The following GTF2A1L variants were observed in gnomAD, a reference collection of about 807,000 sequenced individuals.
GTF2A1L encodes the protein general transcription factor IIA subunit 1 like.
Under a neutral mutation model 49.7 loss-of-function variants are expected in GTF2A1L, and 48 were observed. The observed-to-expected ratio is 0.97, with a 90% CI of 0.77 to 1.23. The LOEUF (loss-of-function observed/expected upper bound fraction) is 1.23, where lower values mean the gene tolerates loss of function less well. GTF2A1L is among the 50% of genes most tolerant of loss of function. The pLI is 0.00. For missense variants in GTF2A1L, 736 were observed against 564.8 expected (o/e 1.30, Z -3.07); for synonymous variants, 246 against 193.5 (o/e 1.27, Z -2.25).
intron 3 of GTF2A1L, among the ~76,000 whole-genome samples, chr2:48,624,481 T>C (rs1676194418): frequency 6.9e-6 from 1 of 143,940 alleles, no homozygotes. Flanking sequence ...GATAGATAGA[T>C]AGATAGTGAA....
At chr2:48,621,016 T>A (rs1675966082) in intron 2 of GTF2A1L, 64 bp downstream of exon 2, 4 of 1,545,480 alleles carry the variant, frequency 2.6e-6, no homozygotes, top group Non-Finnish European at 3.5e-6. Context: ...ACAAAACTGA[T>A]ATAGTTCTGA....
chr2:48,649,342 C>G (rs1677715799), intron 6 of GTF2A1L, among the ~76,000 whole-genome samples: 1 of 152,098 alleles, frequency 6.6e-6, no homozygotes, highest in Non-Finnish European at 1.5e-5. Context: ...GTTCCTTCAT[C>G]TCCACTCCTA....
chr2:48,656,603 T>C (rs1678191772), intron 6 of GTF2A1L, among the ~76,000 whole-genome samples: 1 of 152,106 alleles, frequency 6.6e-6, no homozygotes, highest in African/African-American at 2.4e-5. Context: ...TCACCTCTTA[T>C]CAGATGTATG....
chr2:48,630,839 C>T lies in GTF2A1L; in HGVS notation c.247+9549C>T, dbSNP rs573063649. Among the ~76,000 whole-genome samples the T allele has an allele frequency of 9.2e-5, 14 of 152,194 alleles. No individual in the cohort carries two copies. The South Asian group carries it at 2.9e-3, about 32-fold the overall frequency. On this transcript the variant is annotated intron_variant, in intron 3 of 8. Coordinates refer to ENST00000403751, the MANE Select transcript of GTF2A1L (RefSeq NM_006872.5). ...TATCATGAAGTCATGTTGGATTTTA[C>T]CAAAAGCTTTTTCCATGTATATTGA...
chr2:48,672,867 C>T (rs55824140), intron 8 of GTF2A1L, among the ~76,000 whole-genome samples: 12,220 of 152,136 alleles, frequency 0.08, 541 homozygotes, highest in Non-Finnish European at 0.1. Flanking sequence ...ACAATTATCA[C>T]AGTCAATTTT....
chr2:48,618,583 A>G (rs571710140), intron 1 of GTF2A1L, among the ~76,000 whole-genome samples: 1 of 152,284 alleles, frequency 6.6e-6, no homozygotes, highest in African/African-American at 2.4e-5. Context: ...AGATCTGTGT[A>G]ATTTTATGGG....
chr2:48,643,514 C>A (rs1677319412), intron 4 of GTF2A1L, among the ~76,000 whole-genome samples: 1 of 151,980 alleles, frequency 6.6e-6, no homozygotes, highest in South Asian at 2.1e-4. Flanking sequence ...GATAGGAGAC[C>A]AATGAAGAAA....
At chr2:48,663,008 C>T (rs1035047398) in intron 6 of GTF2A1L, among the ~76,000 whole-genome samples, 5 of 151,916 alleles carry the variant, frequency 3.3e-5, no homozygotes, top group African/African-American at 7.3e-5. Context: ...ACTAAACCCC[C>T]GTGACACATA....
At chr2:48,649,642 G>A (rs1007534275) in intron 6 of GTF2A1L, among the ~76,000 whole-genome samples, 2 of 152,188 alleles carry the variant, frequency 1.3e-5, no homozygotes, top group South Asian at 2.1e-4. Context: ...CACTGGCACC[G>A]TGGTAAATGC....
chr2:48,659,948 C>T (rs901234120), intron 6 of GTF2A1L, among the ~76,000 whole-genome samples: 3 of 152,006 alleles, frequency 2.0e-5, no homozygotes, highest in Non-Finnish European at 4.4e-5. Context: ...TTTAGTTTTT[C>T]CTAATTTTGA....
chr2:48,630,339 G>C lies in GTF2A1L; in HGVS notation c.247+9049G>C, dbSNP rs1318334935. On this transcript the variant is annotated intron_variant, in intron 3 of 8. Coordinates refer to ENST00000403751, the MANE Select transcript of GTF2A1L (RefSeq NM_006872.5). ...CCTTGTAGAGATCTTTCCCTTCCTT[G>C]AGTAGATGCGTTCCTAGGTATTTTA... 1.4e-5 allele frequency among the ~76,000 whole-genome samples: 2 copies of C among 143,716 alleles called. 1 individual carries two copies. Among genetic ancestry groups the C allele is most frequent in the Middle Eastern group, 6.9e-3 (2 of 288 alleles). 94.3% of individuals were successfully genotyped at this position (143,716 alleles called of 152,430 possible). A position where few individuals can be genotyped will look rare whatever the true frequency, so the allele number is the denominator to read the frequency against.
At chr2:48,656,912 G>A (rs982545683) in intron 6 of GTF2A1L, among the ~76,000 whole-genome samples, 1 of 152,082 alleles carries the variant, frequency 6.6e-6, no homozygotes, top group Admixed American at 6.6e-5. Context: ...TATTTTCAAT[G>A]TGGTGCTAGT....
chr2:48,618,514 C>T (rs1675789274), intron 1 of GTF2A1L, among the ~76,000 whole-genome samples: 1 of 152,158 alleles, frequency 6.6e-6, no homozygotes, highest in Non-Finnish European at 1.5e-5. Flanking sequence ...AAGGATTCAT[C>T]TTTATTACCA....
intron 4 of GTF2A1L, among the ~76,000 whole-genome samples, chr2:48,643,675 C>G (rs1009153807): frequency 1.3e-5 from 2 of 149,408 alleles, no homozygotes; most frequent in Non-Finnish European, 3.0e-5. Context: ...GGCACCATAG[C>G]AAGACCATAT....
chr2:48,619,533 T>C (rs1675860031), intron 1 of GTF2A1L, among the ~76,000 whole-genome samples: 1 of 147,210 alleles, frequency 6.8e-6, no homozygotes, highest in Admixed American at 6.7e-5. Context: ...TGAACAGGAG[T>C]ATTTAGGAGT....
intron 3 of GTF2A1L, among the ~76,000 whole-genome samples, chr2:48,621,556 C>G (rs1166517828): frequency 6.6e-6 from 1 of 152,150 alleles, no homozygotes; most frequent in African/African-American, 2.4e-5. Flanking sequence ...CATAGTTTGT[C>G]AGCTGTTGGG....
At chr2:48,656,220 T>C (rs967745457) in intron 6 of GTF2A1L, among the ~76,000 whole-genome samples, 3 of 152,146 alleles carry the variant, frequency 2.0e-5, no homozygotes, top group African/African-American at 4.8e-5. Flanking sequence ...CAAAATCATA[T>C]GACAATTCTA....
In GTF2A1L at chr2:48,671,655, A is replaced by G; in HGVS notation, c.1304A>G (p.Asn435Ser). 1 of 1,613,618 alleles carries G rather than the reference A, an allele frequency of 6.2e-7. No individual in the cohort carries two copies. Residue 435 changes from asparagine to serine, a missense_variant, in exon 8 of 9, where the codon AAT becomes AGT. Coordinates refer to ENST00000403751, the MANE Select transcript of GTF2A1L (RefSeq NM_006872.5). ...GTGCCAGACCTGTTTGACACGGATAATGTTATTGTCTGTCAGTATGATAAG... is the reference window on the plus strand; with the variant it reads ...GTGCCAGACCTGTTTGACACGGATAGTGTTATTGTCTGTCAGTATGATAAG... ...QDVPDLFDTD[N>S]VIVCQYDKIH...
intron 8 of GTF2A1L, among the ~76,000 whole-genome samples, chr2:48,673,608 C>T (rs575034232): frequency 6.6e-6 from 1 of 152,136 alleles, no homozygotes; most frequent in Non-Finnish European, 1.5e-5. Context: ...ATCTACCCAC[C>T]TGGGAAGTGC....
Sources: gnomAD v4.1 joint callset for allele counts (sites outside exome capture counted in the v4.1 genomes callset) on GRCh38, gnomAD v4.1.1 for gene constraint, MANE v1.5 for transcripts, NCBI Gene and HGNC (gene_info 2026-07-23, HGNC 2026-07-21) for gene names.